RNF169: variants seen among roughly 807,000 people sequenced by gnomAD.
RNF169 encodes E3 ubiquitin-protein ligase RNF169.
A neutral mutation model predicts 53.9 loss-of-function variants in RNF169; 24 were observed. The observed-to-expected ratio is 0.45, with a 90% CI of 0.32 to 0.63. The LOEUF (loss-of-function observed/expected upper bound fraction) is 0.63. RNF169 is among the 20% of genes least tolerant of loss of function. The probability of loss-of-function intolerance (pLI) is 0.04; values close to 1 mark genes in which losing one functional copy is unlikely to be tolerated. For synonymous variants in RNF169, 396 were observed against 363.5 expected, an observed-to-expected ratio of 1.09 and a Z score of -1.02; for missense variants, 883 against 906.2, an observed-to-expected ratio of 0.97 and a Z score of 0.33.
chr11:74,762,767 C>T (rs1421129210), intron 1 of RNF169, among the ~76,000 whole-genome samples: 3 of 152,144 alleles, frequency 2.0e-5, no homozygotes, highest in African/African-American at 7.2e-5. Context: ...CTTTTAAATG[C>T]ATTCTTGAAT....
At position 74,775,278 on chromosome 11, in the gene RNF169, C is replaced by A. The variant is rs545871473; in HGVS notation, c.503-14348C>A. On this transcript the variant is annotated intron_variant, in intron 1 of 5. Transcript: ENST00000299563. ...CACCTGTGGAGGTATTGATCTTATA[C>A]ATTAATAGGGATGTTTCTCCCATTC... is the stretch of plus-strand genomic sequence containing the variant. 3.3e-5 allele frequency among the ~76,000 whole-genome samples: 5 copies of A among 152,304 alleles called. No individual in the cohort carries two copies. In the South Asian group the frequency reaches 1.0e-3, roughly 32 times the overall value.
At chr11:74,758,446 T>G (rs1016862933) in intron 1 of RNF169, among the ~76,000 whole-genome samples, 4 of 150,924 alleles carry the variant, frequency 2.7e-5, no homozygotes, top group Middle Eastern at 6.8e-3. Flanking sequence ...GCCTCCAGCT[T>G]TGTTTTTTTG....
chr11:74,769,273 A>G (rs78991653), intron 1 of RNF169, among the ~76,000 whole-genome samples: 3,744 of 152,332 alleles, frequency 0.025, 164 homozygotes, highest in African/African-American at 0.085. Flanking sequence ...AATGATACGC[A>G]ACAGCATTAG....
At chr11:74,785,639 A>G (rs2035489352) in intron 1 of RNF169, among the ~76,000 whole-genome samples, 1 of 152,110 alleles carries the variant, frequency 6.6e-6, no homozygotes, top group South Asian at 2.1e-4. Flanking sequence ...CATTTAATAT[A>G]GCACAGTCCT....
chr11:74,808,888 G>A (rs906394397), intron 2 of RNF169, among the ~76,000 whole-genome samples: 13 of 152,042 alleles, frequency 8.6e-5, no homozygotes, highest in African/African-American at 2.9e-4. Context: ...CCTTTCCTCC[G>A]TGTTCCTGTT....
chr11:74,822,930 T>C (rs1182311564), intron 4 of RNF169, among the ~76,000 whole-genome samples: 3 of 152,142 alleles, frequency 2.0e-5, no homozygotes, highest in Non-Finnish European at 4.4e-5. Flanking sequence ...AGAAAAGGAC[T>C]CCGTACAAAA....
chr11:74,767,154 T>A (rs1323757694), intron 1 of RNF169, among the ~76,000 whole-genome samples: 1 of 152,156 alleles, frequency 6.6e-6, no homozygotes, highest in Non-Finnish European at 1.5e-5. Context: ...CACAGATTTT[T>A]AAAATCTCAG....
At chr11:74,803,616 C>CT (rs2035764718) in intron 2 of RNF169, among the ~76,000 whole-genome samples, 1 of 152,104 alleles carries the variant, frequency 6.6e-6, no homozygotes, top group Non-Finnish European at 1.5e-5. Flanking sequence ...TCATAGGCTC[C>CT]TATAAGCCCA....
intron 2 of RNF169, among the ~76,000 whole-genome samples, chr11:74,803,172 G>A (rs1181244392): frequency 2.6e-5 from 4 of 151,114 alleles, no homozygotes; most frequent in Middle Eastern, 3.4e-3. Context: ...TGCAAGCTCC[G>A]CCTCCTGGGT....
At chr11:74,776,249 A>T (rs1289306012) in intron 1 of RNF169, among the ~76,000 whole-genome samples, 4 of 152,142 alleles carry the variant, frequency 2.6e-5, no homozygotes, top group African/African-American at 9.7e-5. Context: ...TTTGGTGTTT[A>T]TGGACTTATT....
chr11:74,769,548 G>C (rs114143474), intron 1 of RNF169, among the ~76,000 whole-genome samples: 2 of 152,298 alleles, frequency 1.3e-5, no homozygotes, highest in African/African-American at 4.8e-5. Context: ...TTACAGCACT[G>C]TAGTACTAGA....
At chr11:74,763,853 T>C (rs1777497840) in intron 1 of RNF169, among the ~76,000 whole-genome samples, 1 of 152,220 alleles carries the variant, frequency 6.6e-6, no homozygotes, top group African/African-American at 2.4e-5. Flanking sequence ...AGAGGTTTTT[T>C]GTTTTTGTTT....
rs1461142850 is a variant in RNF169 at position 74,836,219 on chromosome 11, G to A, written c.1616G>A (p.Ser539Asn). 1.9e-6 allele frequency: 3 copies of A among 1,614,220 alleles called. No homozygotes were observed. The highest frequency in any genetic ancestry group is 1.3e-5 in the African/African-American group (1 of 75,058). The change falls in exon 6 of 6, where the codon AGT becomes AAT. Residue 539 changes from serine to asparagine, a missense_variant. Physicochemically the swap from Ser to Asn is conservative, Grantham distance 46. Around this residue, in one of 3 missense-constraint regions of RNF169, gnomAD observed 351 missense variants for 337.3 expected, o/e 1.04. Transcript: ENST00000299563. ...TCCTCAGAACTCAAAGGGGGAGGCA[G>A]TGGGACTTCTTTGGAGAGGGAGCAG... Reference protein sequence around the residue: ...CCSSELKGGGSGTSLEREQFE... With the variant: ...CCSSELKGGGNGTSLEREQFE...
intron 1 of RNF169, among the ~76,000 whole-genome samples, chr11:74,754,342 A>G (rs1236794354): frequency 1.3e-5 from 2 of 152,208 alleles, no homozygotes; most frequent in East Asian, 3.8e-4. Context: ...TCTGTTTGAA[A>G]TCAAGGATGG....
At chr11:74,829,553 T>C (rs549727036) in intron 4 of RNF169, among the ~76,000 whole-genome samples, 1 of 152,376 alleles carries the variant, frequency 6.6e-6, no homozygotes, top group African/African-American at 2.4e-5. Flanking sequence ...GTGTGTTCAT[T>C]GCAGCACTGT....
intron 3 of RNF169, among the ~76,000 whole-genome samples, chr11:74,813,951 A>G (rs1401464062): frequency 1.3e-5 from 2 of 151,946 alleles, no homozygotes; most frequent in African/African-American, 2.4e-5. Context: ...CAGCCTCCCA[A>G]AGTGCTGGGA....
intron 1 of RNF169, among the ~76,000 whole-genome samples, chr11:74,765,367 C>T (rs910712099): frequency 9.9e-5 from 15 of 152,068 alleles, no homozygotes; most frequent in Non-Finnish European, 7.4e-5. Flanking sequence ...AAGGAAGTTT[C>T]GACACATATG....
At position 74,789,678 on chromosome 11, in the gene RNF169, G is replaced by A. The variant is rs1423124533; in HGVS notation, c.555G>A (p.Glu185=). ...IKLSKPGELR[E]EYESLRKLRE... ...TAAGCAAGCCTGGGGAACTTCGTGA[G>A]GAATATGAAAGCTTGAGAAAGGTAT... The change falls in exon 2 of 6, where the codon GAG becomes GAA. Residue 185 remains glutamate, a synonymous_variant. Coordinates refer to ENST00000299563, the MANE Select transcript of RNF169 (RefSeq NM_001098638.2). The A allele has an allele frequency of 2.5e-6, 4 of 1,604,592 alleles. No homozygotes were observed. The highest frequency in any genetic ancestry group is 1.1e-5 in the South Asian group (1 of 90,698).
intron 2 of RNF169, among the ~76,000 whole-genome samples, chr11:74,804,767 A>G (rs1468149220): frequency 6.6e-6 from 1 of 152,150 alleles, no homozygotes; most frequent in African/African-American, 2.4e-5. Context: ...GTTTGCTTGA[A>G]GTTTCAGTTT....
Sources: gnomAD v4.1 joint callset for allele counts (sites outside exome capture counted in the v4.1 genomes callset) on GRCh38, gnomAD v4.1.1 for gene constraint, gnomAD v4.1.1 regional missense constraint, MANE v1.5 for transcripts, NCBI Gene and HGNC (gene_info 2026-07-23, HGNC 2026-07-21) for gene names.